ZNF678: variants seen among roughly 807,000 people sequenced by gnomAD.
ZNF678 encodes the protein zinc finger protein 678.
Under a neutral mutation model 3.0 loss-of-function variants are expected in ZNF678, and 5 were observed. That is an observed-to-expected ratio of 1.69 (90% CI 0.88 to 3.56). The LOEUF (loss-of-function observed/expected upper bound fraction) is 3.56, where lower values mean the gene tolerates loss of function less well. ZNF678 is among the 30% of genes most tolerant of loss of function. ZNF678 has a pLI of 0.00. For missense variants in ZNF678, 593 were observed against 605.0 expected (o/e 0.98, Z 0.21); for synonymous variants, 218 against 199.6 (o/e 1.09, Z -0.78).
Position 227,563,572 on chromosome 1 carries a change from A to C in ZNF678, c.-316A>C. 2.5e-6 allele frequency: 2 copies of C among 787,790 alleles called. No individual in the cohort carries two copies. Among genetic ancestry groups the C allele is most frequent in the Non-Finnish European group, 3.9e-6 (2 of 517,952 alleles). The allele number at this position is 787,790 out of a possible 1,614,324, so 48.8% of individuals were successfully genotyped here. ...TGGCGGGGCCTTTGTCTTGTGCTCC[A>C]GCTGGAGCTTTGGTCCCGTATTCTC... On this transcript the variant is annotated 5_prime_UTR_variant, in exon 1 of 4. Transcript: ENST00000343776.
chr1:227,612,012 A>G (rs1658033337), intron 1 of ZNF678, among the ~76,000 whole-genome samples: 2 of 152,170 alleles, frequency 1.3e-5, no homozygotes, highest in African/African-American at 4.8e-5. Flanking sequence ...CCAGCATGCC[A>G]GAAGATGATC....
At chr1:227,622,310 C>T (rs1334712379) in intron 1 of ZNF678, among the ~76,000 whole-genome samples, 4 of 152,222 alleles carry the variant, frequency 2.6e-5, no homozygotes, top group Non-Finnish European at 5.9e-5. Flanking sequence ...GTCTTTGCAT[C>T]CACCTATGAT....
chr1:227,647,577 T>G (rs1427614427), intron 2 of ZNF678, among the ~76,000 whole-genome samples: 1 of 152,192 alleles, frequency 6.6e-6, no homozygotes, highest in African/African-American at 2.4e-5. Context: ...TGACACAGGT[T>G]AGAGGCCCAA....
intron 2 of ZNF678, among the ~76,000 whole-genome samples, chr1:227,648,886 C>T (rs532214761): frequency 1.3e-5 from 2 of 152,200 alleles, no homozygotes; most frequent in South Asian, 4.1e-4. Context: ...CTTCTAGGTC[C>T]TGCCAACTCC....
At chr1:227,652,456 G>C (rs557932566) in intron 3 of ZNF678, among the ~76,000 whole-genome samples, 1 of 152,146 alleles carries the variant, frequency 6.6e-6, no homozygotes, top group Admixed American at 6.6e-5. Context: ...TTGAATAGCT[G>C]TCTAAAACAT....
In ZNF678 at chr1:227,659,311, A is replaced by G. The variant is rs1659336969; in HGVS notation, c.*3483A>G. On this transcript the variant is annotated 3_prime_UTR_variant, in exon 4 of 4. Coordinates refer to ENST00000343776, the MANE Select transcript of ZNF678 (RefSeq NM_001367909.1). Reference sequence around the variant, plus strand: ...GAGTTTATATAAATAATCACATAACAAGCCAATTCCTTAGTCATTTTCTGT... The same window carrying G: ...GAGTTTATATAAATAATCACATAACGAGCCAATTCCTTAGTCATTTTCTGT... 6.6e-6 allele frequency: 1 copy of G among 152,146 alleles called. No individual in the cohort carries two copies. The highest frequency in any genetic ancestry group is 2.4e-5 in the African/African-American group (1 of 41,452). The allele number at this position is 152,146 out of a possible 1,614,324, so 9.4% of individuals were successfully genotyped here.
chr1:227,610,526 A>G (rs997310392), intron 1 of ZNF678, among the ~76,000 whole-genome samples: 1 of 152,166 alleles, frequency 6.6e-6, no homozygotes, highest in Admixed American at 6.5e-5. Flanking sequence ...TGTTGTGCCC[A>G]TGAATGGACT....
chr1:227,573,459 G>A (rs1168469551), intron 1 of ZNF678, among the ~76,000 whole-genome samples: 4 of 152,214 alleles, frequency 2.6e-5, no homozygotes, highest in Non-Finnish European at 5.9e-5. Context: ...CATGCATAAT[G>A]TGTGCTTGTT....
chr1:227,629,020 G>C (rs377641943), intron 1 of ZNF678, among the ~76,000 whole-genome samples: 2 of 152,210 alleles, frequency 1.3e-5, no homozygotes, highest in African/African-American at 4.8e-5. Flanking sequence ...GTGCAGCTGG[G>C]TATAGAGGGA....
In ZNF678 at chr1:227,594,344, A is replaced by G. The variant is rs367885711; in HGVS notation, c.-164+30620A>G. Among the ~76,000 whole-genome samples, 6 of 152,300 alleles carry G rather than the reference A, an allele frequency of 3.9e-5. No individual in the cohort carries two copies. The East Asian group carries it at 1.2e-3, about 29-fold the overall frequency. The stretch of plus-strand genomic sequence containing the variant: ...AAAACCTGATAGACGTATTTATCCA[A>G]TTGTTAATGTTTGACCATAAGGTAA... On this transcript the variant is annotated intron_variant, in intron 1 of 3. Transcript: ENST00000343776.
At chr1:227,664,182 A>C (rs1168373231), downstream of ZNF678, among the ~76,000 whole-genome samples, 2 of 152,230 alleles carry the variant, frequency 1.3e-5, no homozygotes, top group Non-Finnish European at 2.9e-5. Context: ...ATTTAAAAAA[A>C]ATAATTATCC....
chr1:227,585,220 CA>C (rs1657227706), intron 1 of ZNF678, among the ~76,000 whole-genome samples: 1 of 152,146 alleles, frequency 6.6e-6, no homozygotes, highest in African/African-American at 2.4e-5. Flanking sequence ...TTATGTTAAA[CA>C]TGGGCTCGTG....
At chr1:227,605,599 C>T (rs1412694657) in intron 1 of ZNF678, among the ~76,000 whole-genome samples, 1 of 152,172 alleles carries the variant, frequency 6.6e-6, no homozygotes, top group Admixed American at 6.5e-5. Context: ...AAGTTCTCCT[C>T]AATTCCTAGT....
At chr1:227,574,244 C>T (rs191732736) in intron 1 of ZNF678, among the ~76,000 whole-genome samples, 3 of 152,188 alleles carry the variant, frequency 2.0e-5, no homozygotes, top group African/African-American at 7.2e-5. Context: ...TGAGGAAGCA[C>T]CACACTGTCT....
chr1:227,622,416 A>T (rs1260888914), intron 1 of ZNF678, among the ~76,000 whole-genome samples: 8 of 152,166 alleles, frequency 5.3e-5, no homozygotes, highest in Non-Finnish European at 1.0e-4. Flanking sequence ...TTCTCTTTAA[A>T]ATGTATAAAA....
chr1:227,603,241 G>A, intron 1 of ZNF678, among the ~76,000 whole-genome samples: 1 of 152,158 alleles, frequency 6.6e-6, no homozygotes, highest in East Asian at 1.9e-4. Flanking sequence ...ATGGGGCGGG[G>A]GGAATGTTGC....
In ZNF678 at chr1:227,658,973, A is replaced by G. The variant is rs938168926; in HGVS notation, c.*3145A>G. 3 of 152,070 alleles carry G rather than the reference A, an allele frequency of 2.0e-5. No individual in the cohort carries two copies. Among genetic ancestry groups the G allele is most frequent in the African/African-American group, 7.2e-5 (3 of 41,444 alleles). 9.4% of individuals were successfully genotyped at this position (152,070 alleles called of 1,614,324 possible). A position where few individuals can be genotyped will look rare whatever the true frequency, so the allele number is the denominator to read the frequency against. The stretch of plus-strand genomic sequence containing the variant: ...CCCCTTAAGCAAAAATATATCTTAG[A>G]AATCTTAAGGACACTTAATGGCAAG... On this transcript the variant is annotated 3_prime_UTR_variant, in exon 4 of 4. Coordinates refer to ENST00000343776, the MANE Select transcript of ZNF678 (RefSeq NM_001367909.1).
chr1:227,588,766 A>G (rs1004894581), intron 1 of ZNF678, among the ~76,000 whole-genome samples: 3 of 151,868 alleles, frequency 2.0e-5, no homozygotes, highest in Non-Finnish European at 4.4e-5. Context: ...CGGCCTCCCA[A>G]AGTGCTGGGA....
chr1:227,575,872 C>G (rs963556718), intron 1 of ZNF678, among the ~76,000 whole-genome samples: 30 of 152,114 alleles, frequency 2.0e-4, no homozygotes, highest in African/African-American at 7.2e-4. Flanking sequence ...ATGATATTGG[C>G]TGTGGGTTTC....
Sources: allele counts gnomAD v4.1 joint callset (sites outside exome capture counted in the v4.1 genomes callset), GRCh38; gene constraint gnomAD v4.1.1; transcripts MANE v1.5; gene names NCBI Gene and HGNC (gene_info 2026-07-23, HGNC 2026-07-21).